TAFA2: variants seen among roughly 807,000 people sequenced by gnomAD.
TAFA2 encodes the protein chemokine-like protein TAFA-2.
In TAFA2, 7 loss-of-function variants were observed where a neutral mutation model predicts 18.8. That is an observed-to-expected ratio of 0.37 (90% confidence interval 0.21 to 0.70). The LOEUF (loss-of-function observed/expected upper bound fraction) is 0.70. TAFA2 is among the 30% of genes least tolerant of loss of function. The probability of loss-of-function intolerance (pLI) is 0.53; values close to 1 mark genes in which losing one functional copy is unlikely to be tolerated. For synonymous variants in TAFA2, 60 were observed against 54.2 expected, an observed-to-expected ratio of 1.11 and a Z score of -0.47; for missense variants, 122 against 158.1, an observed-to-expected ratio of 0.77 and a Z score of 1.23.
chr12:61,935,426 T>C (rs557394031), intron 1 of TAFA2, among the ~76,000 whole-genome samples: 37 of 152,274 alleles, frequency 2.4e-4, no homozygotes, highest in Middle Eastern at 3.4e-3. Flanking sequence ...AAACAATTCA[T>C]ATAGCTATAA....
chr12:61,892,963 T>A (rs1033061352), intron 1 of TAFA2, among the ~76,000 whole-genome samples: 12 of 152,240 alleles, frequency 7.9e-5, no homozygotes, highest in African/African-American at 2.9e-4. Flanking sequence ...ACTTAAATGC[T>A]ATATTTTTAT....
At chr12:61,961,175 G>C (rs911481083) in intron 1 of TAFA2, among the ~76,000 whole-genome samples, 1 of 151,826 alleles carries the variant, frequency 6.6e-6, no homozygotes, top group Non-Finnish European at 1.5e-5. Flanking sequence ...CCACACACTT[G>C]TAAACCATCA....
intron 1 of TAFA2, among the ~76,000 whole-genome samples, chr12:62,233,062 ATCTC>A (rs1394900613): frequency 1.1e-5 from 1 of 94,230 alleles, no homozygotes; most frequent in Non-Finnish European, 2.0e-5. Flanking sequence ...CAATTTCTGC[ATCTC>A]TTTTTTTTTT....
intron 1 of TAFA2, among the ~76,000 whole-genome samples, chr12:62,231,505 G>A (rs529071593): frequency 5.3e-4 from 80 of 152,190 alleles, no homozygotes; most frequent in Non-Finnish European, 8.8e-4. Flanking sequence ...ATATAGTTAC[G>A]TTTTGATTTC....
At chr12:61,965,565 G>A (rs1879040064) in intron 1 of TAFA2, among the ~76,000 whole-genome samples, 1 of 151,882 alleles carries the variant, frequency 6.6e-6, no homozygotes, top group Non-Finnish European at 1.5e-5. Flanking sequence ...GATGTGCTAG[G>A]TGAATAACCA....
intron 1 of TAFA2, among the ~76,000 whole-genome samples, chr12:62,159,609 A>T (rs1253667444): frequency 6.6e-6 from 1 of 152,118 alleles, no homozygotes; most frequent in African/African-American, 2.4e-5. Flanking sequence ...ATTGTAGGGA[A>T]ATTCTTTTTC....
chr12:61,902,715 T>G (rs1391190673), intron 1 of TAFA2, among the ~76,000 whole-genome samples: 4 of 152,190 alleles, frequency 2.6e-5, no homozygotes, highest in Non-Finnish European at 2.9e-5. Context: ...AACATTTTTC[T>G]CCAGCCTTGA....
rs192011039 is a variant in TAFA2, at chr12:61,867,453, A to G, written c.-1-27T>C. ...TGCAAATAAAAAAATAATAAAAATC[A>G]TAAGTATGCAAATTCATAGCTTTTC... is the stretch of plus-strand genomic sequence containing the variant. On this transcript the variant is annotated intron_variant, in intron 1 of 4. Transcript: ENST00000416284. 65 of 1,350,934 alleles carry G rather than the reference A, an allele frequency of 4.8e-5. No individual in the cohort carries two copies. The African/African-American group carries it at 6.5e-4, about 14-fold the overall frequency. 83.7% of individuals were successfully genotyped at this position (1,350,934 alleles called of 1,614,324 possible).
intron 1 of TAFA2, among the ~76,000 whole-genome samples, chr12:62,035,896 C>T (rs1881595520): frequency 6.6e-6 from 1 of 151,596 alleles, no homozygotes; most frequent in African/African-American, 2.4e-5. Flanking sequence ...CGCGCGCCAC[C>T]ATGCCCGGCT....
chr12:62,116,952 G>C (rs1164890542), intron 1 of TAFA2, among the ~76,000 whole-genome samples: 1 of 152,116 alleles, frequency 6.6e-6, no homozygotes, highest in Non-Finnish European at 1.5e-5. Flanking sequence ...ACCATGACTG[G>C]TATCCTTAAA....
chr12:62,094,196 C>A (rs1367616900), intron 1 of TAFA2, among the ~76,000 whole-genome samples: 1 of 152,030 alleles, frequency 6.6e-6, no homozygotes, highest in Admixed American at 6.6e-5. Flanking sequence ...TAGCTCTTAG[C>A]TTTTTATTAA....
At chr12:61,983,642 G>A (rs894012) in intron 1 of TAFA2, among the ~76,000 whole-genome samples, 23,261 of 151,898 alleles carry the variant, frequency 0.15, 1,872 homozygotes, top group African/African-American at 0.2. Context: ...TCTTGACCTC[G>A]TGATCCACCT....
Position 62,146,674 on chromosome 12 carries a change from C to A in TAFA2, c.-2+44585G>T, listed in dbSNP as rs180806827. Among the ~76,000 whole-genome samples the A allele has an allele frequency of 8.9e-4, 135 of 152,038 alleles. 1 individual carries two copies. Among genetic ancestry groups the A allele is most frequent in the Non-Finnish European group, 1.5e-5 (1 of 68,008 alleles). On this transcript the variant is annotated intron_variant, in intron 1 of 4. Transcript: ENST00000416284. ...AATTTTGATATCTAGTCCCTGTATC[C>A]CAGGCAATATGAAAAGTGCCATGCA...
intron 4 of TAFA2, among the ~76,000 whole-genome samples, chr12:61,721,832 C>G (rs1313113050): frequency 6.6e-6 from 1 of 151,966 alleles, no homozygotes; most frequent in East Asian, 1.9e-4. Context: ...TGGCGGTTGC[C>G]TGATCCCAGC....
chr12:61,982,876 C>CAAAAAAAAAAA (rs3031097), intron 1 of TAFA2, among the ~76,000 whole-genome samples: 5,381 of 101,110 alleles, frequency 0.053, 428 homozygotes, highest in South Asian at 0.078. Flanking sequence ...AAGTGGAAGG[C>CAAAAAAAAAAA]AAAAAAAAAA....
chr12:61,879,515 T>TC (rs1875021183), intron 1 of TAFA2: 1 of 709,328 alleles, frequency 1.4e-6, no homozygotes, highest in Non-Finnish European at 2.6e-6. Context: ...ATCACTGCTG[T>TC]CATGGTCAAC....
In TAFA2 at chr12:61,777,681, G is replaced by T. The variant is rs375972194; in HGVS notation, c.107-22657C>A. 3.3e-5 allele frequency among the ~76,000 whole-genome samples: 5 copies of T among 151,434 alleles called. No homozygotes were observed. The East Asian group carries it at 9.8e-4, about 30-fold the overall frequency. ...TATTTGCTGGGTAACCTTTGCCAAGGTTACTTAACCTCTCGGTGCCTTAAT... is the reference window on the plus strand; with the variant it reads ...TATTTGCTGGGTAACCTTTGCCAAGTTTACTTAACCTCTCGGTGCCTTAAT... On this transcript the variant is annotated intron_variant, in intron 2 of 4. Transcript: ENST00000416284.
intron 2 of TAFA2, among the ~76,000 whole-genome samples, chr12:61,865,131 C>T (rs1396060866): frequency 2.6e-5 from 4 of 152,114 alleles, no homozygotes; most frequent in Non-Finnish European, 5.9e-5. Flanking sequence ...AAAGAAAAAT[C>T]TTTTGCTCCT....
chr12:62,260,015 C>T (rs780518690), upstream of TAFA2: 3 of 232,740 alleles, frequency 1.3e-5, no homozygotes, highest in Non-Finnish European at 2.6e-5. Context: ...CCTACCTCAC[C>T]CTCAAGCGTG....
Sources: allele counts gnomAD v4.1 joint callset (sites outside exome capture counted in the v4.1 genomes callset), GRCh38; gene constraint gnomAD v4.1.1; transcripts MANE v1.5; gene names NCBI Gene and HGNC (gene_info 2026-07-23, HGNC 2026-07-21).